RTF2: variants seen among roughly 807,000 people sequenced by gnomAD.
RTF2 encodes the protein replication termination factor 2, also known as UPF0549 protein C20orf43.
Under a neutral mutation model 38.0 loss-of-function variants are expected in RTF2, and 18 were observed. That is an observed-to-expected ratio of 0.47 (90% CI 0.33 to 0.70). The LOEUF (loss-of-function observed/expected upper bound fraction) is 0.70, where lower values mean the gene tolerates loss of function less well. Among genes scored for constraint, RTF2 ranks in the 30% least tolerant of loss-of-function variants. The pLI is 0.02. For missense variants in RTF2, 311 were observed against 379.6 expected (o/e 0.82, Z 1.50); for synonymous variants, 126 against 137.1 (o/e 0.92, Z 0.57).
chr20:56,516,261 A>G (rs921058233), intron 6 of RTF2: 1 of 152,248 alleles, frequency 6.6e-6, no homozygotes. Context: ...AATTAAATGA[A>G]CATAGTCCTA....
Position 56,518,553 on chromosome 20 carries a change from C to T in RTF2, c.*288C>T, listed in dbSNP as rs1180457668. The T allele has an allele frequency of 3.3e-6, 1 of 305,330 alleles. No homozygotes were observed. Among genetic ancestry groups the T allele is most frequent in the Admixed American group, 5.0e-5 (1 of 20,122 alleles). 18.9% of individuals were successfully genotyped at this position (305,330 alleles called of 1,614,324 possible). A position where few individuals can be genotyped will look rare whatever the true frequency, so the allele number is the denominator to read the frequency against. ...AGCCCTGTGGGCTGCACTTTTTATG[C>T]TTGCAGTAACAAGAGACTCCAGAGT... On this transcript the variant is annotated 3_prime_UTR_variant, in exon 9 of 9. Coordinates refer to ENST00000357348, the MANE Select transcript of RTF2 (RefSeq NM_016407.5).
intron 5 of RTF2, among the ~76,000 whole-genome samples, chr20:56,499,840 G>A (rs529474254): frequency 3.9e-5 from 6 of 151,942 alleles, no homozygotes; most frequent in African/African-American, 1.2e-4. Flanking sequence ...CGGTTGAAGC[G>A]ATTCTCCTGC....
At chr20:56,483,998 A>C in intron 4 of RTF2, 113 bp from the exon 5 acceptor site, 1 of 777,294 alleles carries the variant, frequency 1.3e-6, no homozygotes, top group Non-Finnish European at 2.1e-6. Context: ...TTTTTAATAG[A>C]GTAAAATGTA....
At chr20:56,503,205 CA>C (rs1433132772) in intron 5 of RTF2, among the ~76,000 whole-genome samples, 1 of 152,218 alleles carries the variant, frequency 6.6e-6, no homozygotes, top group Admixed American at 6.5e-5. Flanking sequence ...AATGTTAGCA[CA>C]ATGTTTTCTT....
intron 5 of RTF2, among the ~76,000 whole-genome samples, chr20:56,489,839 G>T (rs537790704): frequency 6.6e-6 from 1 of 152,304 alleles, no homozygotes; most frequent in South Asian, 2.1e-4. Context: ...ATAAAATACC[G>T]GGGACATAAT....
In RTF2 at chr20:56,510,716, G is replaced by A. The variant is rs540739081; in HGVS notation, c.478-2599G>A. Among the ~76,000 whole-genome samples, 615 of 152,300 alleles carry A rather than the reference G, an allele frequency of 4.0e-3. 4 individuals carry two copies. The highest frequency in any genetic ancestry group is 0.014 in the African/African-American group (582 of 41,558). Reference sequence around the variant, plus strand: ...ACACTTTGGGAGGTTGAGGCGGGTGGATTACCTGAGCCCAGAAGTTCAAGA... The same window carrying A: ...ACACTTTGGGAGGTTGAGGCGGGTGAATTACCTGAGCCCAGAAGTTCAAGA... On this transcript the variant is annotated intron_variant, in intron 5 of 8. Transcript: ENST00000357348.
chr20:56,496,735 T>C, intron 5 of RTF2: 1 of 1,552,188 alleles, frequency 6.4e-7, no homozygotes, highest in African/African-American at 1.4e-5. Flanking sequence ...TCAGTCAGTA[T>C]GAACTCTACA....
intron 6 of RTF2, among the ~76,000 whole-genome samples, chr20:56,515,230 A>G (rs776883537): frequency 6.6e-5 from 10 of 152,266 alleles, no homozygotes; most frequent in Non-Finnish European, 1.0e-4. Flanking sequence ...GCCAAAAGCC[A>G]TCTCCCTGTT....
chr20:56,495,238 TC>T, intron 5 of RTF2: 1 of 1,551,678 alleles, frequency 6.4e-7, no homozygotes. Flanking sequence ...TCCTCACTTT[TC>T]CGCTTAATGG....
intron 5 of RTF2, among the ~76,000 whole-genome samples, chr20:56,497,866 C>A (rs145243464): frequency 6.6e-6 from 1 of 152,206 alleles, no homozygotes; most frequent in Non-Finnish European, 1.5e-5. Flanking sequence ...ATTGCCGATA[C>A]GCCTTCTGTC....
At chr20:56,498,530 A>G (rs1247496208) in intron 5 of RTF2, among the ~76,000 whole-genome samples, 1 of 152,220 alleles carries the variant, frequency 6.6e-6, no homozygotes, top group Non-Finnish European at 1.5e-5. Context: ...ATTTTTAGGA[A>G]AGATGTCATA....
intron 5 of RTF2, among the ~76,000 whole-genome samples, chr20:56,498,878 C>T (rs980573504): frequency 6.6e-6 from 1 of 152,184 alleles, no homozygotes. Context: ...GGACACTGGT[C>T]CCTTGCCTTT....
intron 5 of RTF2, among the ~76,000 whole-genome samples, chr20:56,501,696 T>TA (rs1416531671): frequency 2.6e-5 from 4 of 151,898 alleles, no homozygotes; most frequent in Admixed American, 2.6e-4. Flanking sequence ...TACCAAAAAA[T>TA]AAAAAAATAA....
chr20:56,508,351 G>T (rs1447084758), intron 5 of RTF2, among the ~76,000 whole-genome samples: 1 of 152,192 alleles, frequency 6.6e-6, no homozygotes, highest in Non-Finnish European at 1.5e-5. Flanking sequence ...CTACAAAAGA[G>T]ATTCCGGGCA....
intron 4 of RTF2, among the ~76,000 whole-genome samples, chr20:56,482,415 C>T (rs995620781): frequency 6.6e-5 from 10 of 152,174 alleles, no homozygotes; most frequent in African/African-American, 2.4e-4. Context: ...TGTGCATGTT[C>T]AATATAAATG....
intron 1 of RTF2, among the ~76,000 whole-genome samples, chr20:56,469,287 A>G (rs1981840227): frequency 6.6e-6 from 1 of 152,220 alleles, no homozygotes. Flanking sequence ...TCCCCGCTAG[A>G]CGGTAAGTTC....
intron 5 of RTF2, among the ~76,000 whole-genome samples, chr20:56,499,783 C>T (rs1175608037): frequency 6.6e-6 from 1 of 151,858 alleles, no homozygotes; most frequent in African/African-American, 2.4e-5. Flanking sequence ...GTCACCCAGG[C>T]TGGAGTGAAG....
intron 1 of RTF2, among the ~76,000 whole-genome samples, chr20:56,471,268 A>G (rs771053629): frequency 1.3e-5 from 2 of 152,204 alleles, no homozygotes; most frequent in Non-Finnish European, 2.9e-5. Flanking sequence ...GAGTGAAAGT[A>G]TAGAAAAAAC....
At chr20:56,490,885 A>C (rs1983083154) in intron 5 of RTF2, among the ~76,000 whole-genome samples, 1 of 152,224 alleles carries the variant, frequency 6.6e-6, no homozygotes, top group Non-Finnish European at 1.5e-5. Flanking sequence ...TCACTTTTGT[A>C]GTCGCTCCAG....
Sources: allele counts gnomAD v4.1 joint callset (sites outside exome capture counted in the v4.1 genomes callset), GRCh38; gene constraint gnomAD v4.1.1; transcripts MANE v1.5; gene names NCBI Gene and HGNC (gene_info 2026-07-23, HGNC 2026-07-21).